The following KCNQ5 variants were observed in gnomAD, a reference collection of about 807,000 sequenced individuals.
The protein encoded by KCNQ5 is potassium voltage-gated channel subfamily Q member 5.
KCNQ5 carries 30 observed loss-of-function variants against 98.2 expected under a neutral mutation model. The observed-to-expected ratio is 0.31, with a 90% confidence interval of 0.23 to 0.41. The LOEUF (loss-of-function observed/expected upper bound fraction) is 0.41, where lower values mean the gene tolerates loss of function less well. KCNQ5 is among the 10% of genes least tolerant of loss of function. The pLI, the probability that KCNQ5 is intolerant of heterozygous loss-of-function variation, is 1.00. For synonymous variants in KCNQ5, 458 were observed against 449.4 expected (o/e 1.02, Z -0.24); for missense variants, 835 against 1,182.5 (o/e 0.71, Z 4.31).
intron 1 of KCNQ5, among the ~76,000 whole-genome samples, chr6:72,645,617 G>A (rs1040855547): frequency 2.6e-5 from 4 of 152,054 alleles, no homozygotes; most frequent in Non-Finnish European, 5.9e-5. Context: ...CTCATAGAAA[G>A]GAGAGGAAGG....
intron 1 of KCNQ5, among the ~76,000 whole-genome samples, chr6:72,889,034 T>G (rs7742114): frequency 0.042 from 6,388 of 152,158 alleles, 380 homozygotes; most frequent in African/African-American, 0.13. Context: ...ACATTAAAGA[T>G]TAGTAAATAC....
intron 1 of KCNQ5, among the ~76,000 whole-genome samples, chr6:72,765,033 T>G (rs1308657519): frequency 6.6e-6 from 1 of 152,094 alleles, no homozygotes; most frequent in Admixed American, 6.6e-5. Flanking sequence ...TGATGAACAC[T>G]TAGGTTGCTT....
At chr6:73,160,605 T>C (rs1181771998) in intron 10 of KCNQ5, among the ~76,000 whole-genome samples, 1 of 152,240 alleles carries the variant, frequency 6.6e-6, no homozygotes, top group Non-Finnish European at 1.5e-5. Context: ...GATGTAGTCA[T>C]TTACTGCTGT....
At chr6:72,983,005 C>A (rs980035574) in intron 1 of KCNQ5, among the ~76,000 whole-genome samples, 1 of 152,228 alleles carries the variant, frequency 6.6e-6, no homozygotes, top group African/African-American at 2.4e-5. Context: ...TGCCCCCACT[C>A]TCTTCTGGCT....
intron 5 of KCNQ5, among the ~76,000 whole-genome samples, chr6:73,081,839 A>T (rs1773785196): frequency 6.6e-6 from 1 of 152,180 alleles, no homozygotes. Flanking sequence ...TTAAAAAAAA[A>T]ATCAAGAAAA....
At chr6:72,837,524 A>G (rs1317474364) in intron 1 of KCNQ5, among the ~76,000 whole-genome samples, 1 of 152,154 alleles carries the variant, frequency 6.6e-6, no homozygotes, top group African/African-American at 2.4e-5. Flanking sequence ...TTGACCTTTC[A>G]GTCTCATTGG....
chr6:72,917,658 A>T (rs1376410197), intron 1 of KCNQ5, among the ~76,000 whole-genome samples: 1 of 151,792 alleles, frequency 6.6e-6, no homozygotes, highest in African/African-American at 2.4e-5. Context: ...TTTTTAGTAG[A>T]GACTGGGTTT....
chr6:73,085,939 T>C (rs1180136847), intron 5 of KCNQ5, among the ~76,000 whole-genome samples: 1 of 152,178 alleles, frequency 6.6e-6, no homozygotes, highest in African/African-American at 2.4e-5. Flanking sequence ...CTATTATTAT[T>C]AATAAACCGA....
At chr6:72,832,880 T>C (rs1462738376) in intron 1 of KCNQ5, among the ~76,000 whole-genome samples, 1 of 152,166 alleles carries the variant, frequency 6.6e-6, no homozygotes. Context: ...ATATCTCTTC[T>C]GGATGTTCAC....
At chr6:73,155,823 A>G (rs1213033760) in intron 10 of KCNQ5, among the ~76,000 whole-genome samples, 1 of 152,232 alleles carries the variant, frequency 6.6e-6, no homozygotes, top group African/African-American at 2.4e-5. Context: ...ATAATGAGAG[A>G]AAAGCAAAGT....
intron 1 of KCNQ5, among the ~76,000 whole-genome samples, chr6:72,851,316 A>C (rs888876727): frequency 6.6e-6 from 1 of 152,152 alleles, no homozygotes; most frequent in African/African-American, 2.4e-5. Context: ...TACAAAATAC[A>C]ATTTTGTGTC....
At position 72,823,209 on chromosome 6, in the gene KCNQ5, G is replaced by C. The variant is rs185996468; in HGVS notation, c.399-180699G>C. 5.2e-3 allele frequency among the ~76,000 whole-genome samples: 786 copies of C among 152,060 alleles called. 7 individuals are homozygous for C. The highest frequency in any genetic ancestry group is 5.4e-3 in the Non-Finnish European group (368 of 67,988). ...CACATATTGCATTGAAAATAAACAT[G>C]TTAATATTTTTATTAAGACAAGAAA... On this transcript the variant is annotated intron_variant, in intron 1 of 13. Coordinates refer to ENST00000370398, the MANE Select transcript of KCNQ5 (RefSeq NM_019842.4).
At position 72,802,536 on chromosome 6, in the gene KCNQ5, G is replaced by A. The variant is rs144838324; in HGVS notation, c.398+179949G>A. Among the ~76,000 whole-genome samples, 294 of 152,222 alleles carry A rather than the reference G, an allele frequency of 1.9e-3. 1 individual carries two copies. Among genetic ancestry groups the A allele is most frequent in the African/African-American group, 7.0e-3 (290 of 41,544 alleles). On this transcript the variant is annotated intron_variant, in intron 1 of 13. Transcript: ENST00000370398. ...CAGCTTTGTCCCTCATGTGGGCAAA[G>A]CAAAACCCAACCTCATATCGTTACT... is the stretch of plus-strand genomic sequence containing the variant.
intron 5 of KCNQ5, among the ~76,000 whole-genome samples, chr6:73,090,358 G>A (rs972880967): frequency 2.0e-5 from 3 of 152,134 alleles, no homozygotes; most frequent in African/African-American, 7.2e-5. Context: ...CACTCTGTGA[G>A]TTGTCTGTTT....
intron 1 of KCNQ5, among the ~76,000 whole-genome samples, chr6:72,995,368 CAA>C (rs376273426): frequency 2.4e-4 from 17 of 70,098 alleles, no homozygotes; most frequent in Non-Finnish European, 2.2e-4. Flanking sequence ...AACTCTGTCT[CAA>C]AAAAAAAAAA....
intron 1 of KCNQ5, chr6:72,986,895 C>A: frequency 1.2e-6 from 1 of 863,052 alleles, no homozygotes; most frequent in Non-Finnish European, 1.9e-6. Flanking sequence ...GCTGCGGACA[C>A]TTGCTCAGTG....
intron 1 of KCNQ5, among the ~76,000 whole-genome samples, chr6:72,956,828 T>G (rs927711098): frequency 2.0e-5 from 3 of 152,074 alleles, no homozygotes; most frequent in African/African-American, 7.2e-5. Context: ...AACTCTGGCT[T>G]TCCCCCCTCC....
chr6:73,038,730 TTGAC>T (rs1771555676), intron 2 of KCNQ5, among the ~76,000 whole-genome samples: 1 of 152,228 alleles, frequency 6.6e-6, no homozygotes, highest in Non-Finnish European at 1.5e-5. Flanking sequence ...TATTGACTGA[TTGAC>T]TGTTTGCTAA....
chr6:72,765,816 CTG>C (rs1772538338), intron 1 of KCNQ5, among the ~76,000 whole-genome samples: 1 of 151,976 alleles, frequency 6.6e-6, no homozygotes, highest in African/African-American at 2.4e-5. Context: ...GGTGATTAGA[CTG>C]TAGGTAGGAA....
Sources: gnomAD v4.1 joint callset for allele counts (sites outside exome capture counted in the v4.1 genomes callset) on GRCh38, gnomAD v4.1.1 for gene constraint, MANE v1.5 for transcripts, NCBI Gene and HGNC (gene_info 2026-07-23, HGNC 2026-07-21) for gene names.